The following MAPK10 variants were observed in gnomAD, a reference collection of about 807,000 sequenced individuals.
MAPK10 encodes mitogen-activated protein kinase 10.
A neutral mutation model predicts 59.3 loss-of-function variants in MAPK10; 25 were observed. The ratio of observed to expected loss-of-function variants is 0.42; its 90% confidence interval spans 0.31 to 0.59. The LOEUF (loss-of-function observed/expected upper bound fraction) is 0.59. Ranked by LOEUF, MAPK10 falls within the 20% of genes least tolerant of loss-of-function variation. The pLI is 0.15. For missense variants in MAPK10, 351 were observed against 568.9 expected (o/e 0.62, Z 3.90); for synonymous variants, 190 against 200.5 (o/e 0.95, Z 0.44).
chr4:86,074,371 T>C (rs1229684128), intron 9 of MAPK10, among the ~76,000 whole-genome samples: 2 of 150,834 alleles, frequency 1.3e-5, no homozygotes, highest in East Asian at 2.0e-4. Flanking sequence ...TGTCTTTTAA[T>C]TGGAGCATTT....
In MAPK10 at chr4:86,414,060, G is replaced by A. The variant is rs2001612; in HGVS notation, c.-122+38970C>T. 9.3e-3 allele frequency among the ~76,000 whole-genome samples: 1,392 copies of A among 149,554 alleles called. 14 individuals carry two copies. Among genetic ancestry groups the A allele is most frequent in the African/African-American group, 0.032 (1,313 of 41,270 alleles). The stretch of plus-strand genomic sequence containing the variant: ...ATTCGGCCACCTTATAAGCGACCCC[G>A]CATAATTTATTTTCAAATAATCCCT... On this transcript the variant is annotated intron_variant, in intron 1 of 13. Transcript: ENST00000361569.
At chr4:86,365,380 C>T (rs1013423936) in intron 1 of MAPK10, among the ~76,000 whole-genome samples, 3 of 131,134 alleles carry the variant, frequency 2.3e-5, no homozygotes, top group Admixed American at 9.3e-5. Flanking sequence ...TGCAGTGAAC[C>T]GAGACTGCAC....
rs76073803 is a variant in MAPK10 at position 86,046,633 on chromosome 4, G to A, written c.1111-15202C>T. Among the ~76,000 whole-genome samples the A allele has an allele frequency of 4.3e-3, 653 of 152,106 alleles. 30 individuals are homozygous for A. In the East Asian group the frequency reaches 0.1, roughly 24 times the overall value. On this transcript the variant is annotated intron_variant, in intron 11 of 13. Coordinates refer to ENST00000641462, the MANE Select transcript of MAPK10 (RefSeq NM_138982.4). ...TACGATATATTAACTCGGAAAAATT[G>A]GTCAGGTAAAGAGATGAAATAAATT...
chr4:86,364,311 T>A (rs1043965917), upstream of MAPK10, among the ~76,000 whole-genome samples: 18 of 152,110 alleles, frequency 1.2e-4, no homozygotes. Context: ...GTGTTTTTGG[T>A]AGAGACAGGG....
At chr4:86,154,207 T>A (rs1028170255) in intron 4 of MAPK10, among the ~76,000 whole-genome samples, 7 of 152,120 alleles carry the variant, frequency 4.6e-5, no homozygotes, top group African/African-American at 1.7e-4. Flanking sequence ...CCATCTCTCT[T>A]CATGTCACCA....
intron 1 of MAPK10, among the ~76,000 whole-genome samples, chr4:86,543,327 T>C (rs1758878153): frequency 6.6e-6 from 1 of 152,212 alleles, no homozygotes. Flanking sequence ...TCCATTCTTG[T>C]ATCCATGTCT....
intron 2 of MAPK10, among the ~76,000 whole-genome samples, chr4:86,289,295 G>C (rs2095141682): frequency 6.6e-6 from 1 of 152,136 alleles, no homozygotes; most frequent in African/African-American, 2.4e-5. Flanking sequence ...ATAGGGTTTT[G>C]TTGGACATGG....
At position 86,192,462 on chromosome 4, in the gene MAPK10, GTTCATTCTTT is replaced by G. The variant is rs543906899; in HGVS notation, c.66+1864_66+1873del. 480 of 152,096 alleles carry G rather than the reference GTTCATTCTTT, an allele frequency of 3.2e-3. 2 individuals are homozygous for G. Among genetic ancestry groups the G allele is most frequent in the African/African-American group, 0.011 (465 of 41,504 alleles). The allele number at this position is 152,096 out of a possible 1,614,324, so 9.4% of individuals were successfully genotyped here. A position where few individuals can be genotyped will look rare whatever the true frequency, so the allele number is the denominator to read the frequency against. On this transcript the variant is annotated intron_variant, in intron 3 of 13. Transcript: ENST00000641462. ...TAGTCCTATATTTCTTGGAGGCTTT[GTTCATTCTTT>G]TTCATTCTTTTTTCTCTAATCTTGT...
intron 13 of MAPK10, among the ~76,000 whole-genome samples, chr4:86,021,337 A>T (rs1045820410): frequency 8.7e-5 from 13 of 150,222 alleles, no homozygotes; most frequent in Non-Finnish European, 1.8e-4. Flanking sequence ...AGCTAGACAC[A>T]GAGTGCTGAT....
intron 4 of MAPK10, among the ~76,000 whole-genome samples, chr4:86,144,056 G>T (rs187300723): frequency 1.3e-5 from 2 of 152,220 alleles, no homozygotes; most frequent in Admixed American, 1.3e-4. Context: ...CAGTATTCTT[G>T]TGAGAAGGTG....
At chr4:86,206,041 A>T (rs933973768) in intron 2 of MAPK10, among the ~76,000 whole-genome samples, 23 of 151,688 alleles carry the variant, frequency 1.5e-4, no homozygotes, top group Non-Finnish European at 2.9e-5. Flanking sequence ...ATTTTTTTTT[A>T]ATTTAATTTT....
chr4:86,127,763 T>A (rs1487537852), intron 4 of MAPK10: 1 of 152,090 alleles, frequency 6.6e-6, no homozygotes, highest in Non-Finnish European at 1.5e-5. Flanking sequence ...TTATTCTATA[T>A]AATGACAAGG....
intron 1 of MAPK10, among the ~76,000 whole-genome samples, chr4:86,487,373 G>GTGTA (rs966994867): frequency 1.3e-5 from 2 of 150,856 alleles, no homozygotes; most frequent in Admixed American, 1.3e-4. Flanking sequence ...GTGTGTGTGT[G>GTGTA]TGTGTGTGTG....
intron 2 of MAPK10, among the ~76,000 whole-genome samples, chr4:86,218,070 GTATCTATTC>G (rs2088255613): frequency 6.6e-6 from 1 of 152,002 alleles, no homozygotes; most frequent in South Asian, 2.1e-4. Context: ...ATATTTAACA[GTATCTATTC>G]TGAGTGAGGC....
Position 86,098,604 on chromosome 4 carries a change from GGA to G in MAPK10, c.731-11_731-10del. 1 of 1,597,738 alleles carries G rather than the reference GGA, an allele frequency of 6.3e-7. No homozygotes were observed. Among genetic ancestry groups the G allele is most frequent in the Non-Finnish European group, 8.6e-7 (1 of 1,165,492 alleles). On this transcript the variant is annotated splice_polypyrimidine_tract_variant and intron_variant, in intron 8 of 13. Transcript: ENST00000641462. ...CACAGACCATATATCCACTAGAACA[GGA>G]GAGAGAGGGTAGTGAAGAAAAGGGA...
intron 4 of MAPK10, among the ~76,000 whole-genome samples, chr4:86,110,162 G>A (rs1050991943): frequency 1.1e-4 from 16 of 151,856 alleles, no homozygotes; most frequent in African/African-American, 2.9e-4. Flanking sequence ...AAGTTTTCTC[G>A]CATTCTGTAG....
intron 13 of MAPK10, chr4:86,026,560 T>G (rs1479659567): frequency 6.6e-6 from 1 of 152,224 alleles, no homozygotes; most frequent in Non-Finnish European, 1.5e-5. Context: ...AACTTCCTAT[T>G]TACATTTTAA....
At chr4:86,023,851 A>ATATATATATATATATATATATATATAT (rs1491271631) in intron 13 of MAPK10, 1 of 128,342 alleles carries the variant, frequency 7.8e-6, no homozygotes, top group African/African-American at 3.3e-5. Flanking sequence ...ATATATATAT[A>ATATATATATATATATATATATATATAT]AAATGAATGT....
chr4:86,549,792 C>T (rs1329049539), intron 1 of MAPK10, among the ~76,000 whole-genome samples: 1 of 152,108 alleles, frequency 6.6e-6, no homozygotes, highest in Non-Finnish European at 1.5e-5. Context: ...TTATAGTGAG[C>T]TATGATTGTG....
Sources: allele counts gnomAD v4.1 joint callset (sites outside exome capture counted in the v4.1 genomes callset), GRCh38; gene constraint gnomAD v4.1.1; transcripts MANE v1.5; gene names NCBI Gene and HGNC (gene_info 2026-07-23, HGNC 2026-07-21).